The following VPS13D variants were observed in gnomAD, a reference collection of about 807,000 sequenced individuals.
The protein encoded by VPS13D is vacuolar protein sorting 13 homolog D.
VPS13D carries 187 observed loss-of-function variants against 461.9 expected under a neutral mutation model. That is an observed-to-expected ratio of 0.40 (90% CI 0.36 to 0.46). VPS13D has a LOEUF of 0.46. Ranked by LOEUF, VPS13D falls within the 20% of genes least tolerant of loss-of-function variation. The pLI is 0.60. For synonymous variants in VPS13D, 1,951 were observed against 1,986.3 expected (o/e 0.98, Z 0.47); for missense variants, 4,711 against 5,364.9 (o/e 0.88, Z 3.81).
chr1:12,408,273 G>T (rs1198131709), intron 63 of VPS13D, among the ~76,000 whole-genome samples: 1 of 152,170 alleles, frequency 6.6e-6, no homozygotes, highest in Non-Finnish European at 1.5e-5. Context: ...CTAGCCATAT[G>T]ACTTTAGGCC....
chr1:12,378,693 T>G (rs1007607792), intron 56 of VPS13D, 102 bp downstream of exon 56: 2 of 1,250,578 alleles, frequency 1.6e-6, no homozygotes, highest in African/African-American at 3.1e-5. Context: ...AAAGTAAAAA[T>G]GTATATTTTT....
chr1:12,319,776 C>CGGCGACCA, intron 32 of VPS13D, 146 bp downstream of exon 32: 1 of 1,207,196 alleles, frequency 8.3e-7, no homozygotes, highest in South Asian at 1.5e-5. Flanking sequence ...TTTGTTTTCT[C>CGGCGACCA]CCCAAATCTA....
intron 7 of VPS13D, 37 bp from the exon 8 acceptor site, chr1:12,256,296 C>G (rs1640918126): frequency 3.8e-6 from 6 of 1,591,082 alleles, no homozygotes; most frequent in East Asian, 4.5e-5. Flanking sequence ...AGAAGGAAAG[C>G]CATTCGGAGC....
chr1:12,395,682 A>G (rs1393163408), intron 60 of VPS13D, among the ~76,000 whole-genome samples: 1 of 152,104 alleles, frequency 6.6e-6, no homozygotes, highest in Non-Finnish European at 1.5e-5. Context: ...GGTTTTCTAC[A>G]TATGGTCAAA....
intron 47 of VPS13D, among the ~76,000 whole-genome samples, chr1:12,354,766 G>A (rs1433360250): frequency 6.6e-6 from 1 of 152,076 alleles, no homozygotes; most frequent in East Asian, 1.9e-4. Context: ...AGGCATACCT[G>A]GGCTTTTTCA....
chr1:12,416,295 T>C (rs1454260388), intron 64 of VPS13D, among the ~76,000 whole-genome samples: 3 of 152,200 alleles, frequency 2.0e-5, no homozygotes, highest in Non-Finnish European at 4.4e-5. Context: ...CTCACTTTCC[T>C]TTTGTAATTC....
rs138247531 is a variant in VPS13D at position 12,369,709 on chromosome 1, C to A, written c.10808+7C>A. The A allele has an allele frequency of 6.2e-7, 1 of 1,610,020 alleles. No homozygotes were observed. The highest frequency in any genetic ancestry group is 8.5e-7 in the Non-Finnish European group (1 of 1,176,818). Reference sequence around the variant, plus strand: ...CTACATATACATTCTCTGGGTAATTCTTGATTAAATTACTGTTCCTATAAA... The same window carrying A: ...CTACATATACATTCTCTGGGTAATTATTGATTAAATTACTGTTCCTATAAA... On this transcript the variant is annotated splice_region_variant and intron_variant, in intron 54 of 69. Transcript: ENST00000620676.
chr1:12,317,696 G>A lies in VPS13D; in HGVS notation c.7149-376G>A, dbSNP rs184949132. Among the ~76,000 whole-genome samples, 115 of 152,036 alleles carry A rather than the reference G, an allele frequency of 7.6e-4. 2 individuals are homozygous for A. Among genetic ancestry groups the A allele is most frequent in the Admixed American group, 7.3e-3 (111 of 15,266 alleles). On this transcript the variant is annotated intron_variant, in intron 30 of 69. Coordinates refer to ENST00000620676, the MANE Select transcript of VPS13D (RefSeq NM_015378.4). ...GGAGTTTGAAGTTACAGTGAGCTGT[G>A]ATCGTGCCACTGCATTCCAGTCTGG...
chr1:12,501,789 C>T (rs1646038877), intron 68 of VPS13D, among the ~76,000 whole-genome samples: 1 of 152,134 alleles, frequency 6.6e-6, no homozygotes, highest in Non-Finnish European at 1.5e-5. Flanking sequence ...ATTATGGAAC[C>T]ACAGATGGGA....
At chr1:12,328,885 T>C (rs1214787976) in intron 36 of VPS13D, among the ~76,000 whole-genome samples, 1 of 152,184 alleles carries the variant, frequency 6.6e-6, no homozygotes, top group Non-Finnish European at 1.5e-5. Flanking sequence ...CTACTCTGTT[T>C]AGTTTTAACT....
intron 38 of VPS13D, among the ~76,000 whole-genome samples, chr1:12,335,159 T>G (rs1235676031): frequency 6.6e-6 from 1 of 152,100 alleles, no homozygotes; most frequent in African/African-American, 2.4e-5. Flanking sequence ...CTCCACCTCC[T>G]AGGTTCAAGC....
Position 12,333,314 on chromosome 1 carries a change from A to G in VPS13D, c.8376A>G (p.Leu2792=), listed in dbSNP as rs775498442. 3 of 1,614,188 alleles carry G rather than the reference A, an allele frequency of 1.9e-6. No individual in the cohort carries two copies. The highest frequency in any genetic ancestry group is 3.3e-5 in the Admixed American group (2 of 60,024). ...ASRLHPPRLK[L]EAKAKPRLDI... ...GTCTCCATCCTCCTCGACTGAAGCT[A>G]GAAGCCAAGGCCAAACCTCGTTTGG... Residue 2792 remains leucine (L), a synonymous_variant, in exon 38 of 70, where the codon CTA becomes CTG. Coordinates refer to ENST00000620676, the MANE Select transcript of VPS13D (RefSeq NM_015378.4).
intron 65 of VPS13D, among the ~76,000 whole-genome samples, chr1:12,455,624 T>C (rs1645315224): frequency 6.6e-6 from 1 of 152,194 alleles, no homozygotes; most frequent in Non-Finnish European, 1.5e-5. Context: ...AATTTATTTA[T>C]ATTTAAATTA....
At chr1:12,374,832 G>A (rs1371045238) in intron 55 of VPS13D, among the ~76,000 whole-genome samples, 1 of 152,076 alleles carries the variant, frequency 6.6e-6, no homozygotes, top group Non-Finnish European at 1.5e-5. Flanking sequence ...CTGCCTCCTG[G>A]GTTCAAGTGA....
At chr1:12,484,850 T>C (rs976446882) in intron 67 of VPS13D, among the ~76,000 whole-genome samples, 1 of 152,292 alleles carries the variant, frequency 6.6e-6, no homozygotes, top group African/African-American at 2.4e-5. Flanking sequence ...TTTTCTAATA[T>C]GGAGCCTCAT....
At chr1:12,318,532 G>T (rs1374565487) in intron 31 of VPS13D, among the ~76,000 whole-genome samples, 195 bp downstream of exon 31, 4 of 152,188 alleles carry the variant, frequency 2.6e-5, no homozygotes, top group African/African-American at 9.7e-5. Context: ...ACTGAAGACT[G>T]CGGGGTCGCT....
chr1:12,391,296 AT>A (rs1257890501), intron 60 of VPS13D, among the ~76,000 whole-genome samples: 35 of 152,320 alleles, frequency 2.3e-4, no homozygotes, highest in Admixed American at 1.6e-3. Context: ...GTGCCTGCAT[AT>A]CGTGCAGAAC....
Position 12,335,777 on chromosome 1 carries a change from A to T in VPS13D, c.8501A>T (p.Lys2834Ile). 6.2e-7 allele frequency: 1 copy of T among 1,614,176 alleles called. No homozygotes were observed. The highest frequency in any genetic ancestry group is 8.5e-7 in the Non-Finnish European group (1 of 1,180,008). ...GATGACAAGGACATAGAGTCAGCTA[A>T]ATCAGAAGACTGGATGGGCTCTTCG... ...CKDDKDIESA[K>I]SEDWMGSSVD... Residue 2834 changes from lysine (K) to isoleucine (I), a missense_variant, in exon 39 of 70, where the codon AAA (lysine) becomes ATA (isoleucine). Around this residue, in one of 3 missense-constraint regions of VPS13D, gnomAD observed 4,411 missense variants for 4,937.8 expected, o/e 0.89. Transcript: ENST00000620676.
At chr1:12,356,248 C>A in intron 48 of VPS13D, 150 bp from the exon 49 acceptor site, 2 of 1,384,248 alleles carry the variant, frequency 1.4e-6, no homozygotes, top group Non-Finnish European at 9.6e-7. Context: ...TAATCATGCT[C>A]AAAACTGTCT....
Sources: gnomAD v4.1 joint callset for allele counts (sites outside exome capture counted in the v4.1 genomes callset) on GRCh38, gnomAD v4.1.1 for gene constraint, gnomAD v4.1.1 regional missense constraint, MANE v1.5 for transcripts, NCBI Gene and HGNC (gene_info 2026-07-23, HGNC 2026-07-21) for gene names.